CHID1: variants seen among roughly 807,000 people sequenced by gnomAD.
CHID1 encodes chitinase domain containing 1, also known as chitinase domain-containing protein 1.
A neutral mutation model predicts 55.4 loss-of-function variants in CHID1; 44 were observed. The observed-to-expected ratio is 0.79, with a 90% confidence interval of 0.62 to 1.02. The LOEUF (loss-of-function observed/expected upper bound fraction) is 1.02. Ranked by LOEUF, CHID1 falls within the 50% of genes least tolerant of loss-of-function variation. The pLI, the probability that CHID1 is intolerant of heterozygous loss-of-function variation, is 0.00. For missense variants in CHID1, 491 were observed against 515.3 expected (o/e 0.95, Z 0.46); for synonymous variants, 216 against 212.9 (o/e 1.01, Z -0.13).
At chr11:911,163 G>C (rs1226966778), upstream of CHID1, 1 of 151,978 alleles carries the variant, frequency 6.6e-6, no homozygotes, top group Non-Finnish European at 1.5e-5. Context: ...CCGGCTCGGC[G>C]GTGCCGGGAG....
At chr11:871,025 C>T (rs1326311705) in intron 10 of CHID1, among the ~76,000 whole-genome samples, 1 of 138,668 alleles carries the variant, frequency 7.2e-6, no homozygotes, top group African/African-American at 2.7e-5. Flanking sequence ...GAGTCTCACT[C>T]TGTCGCCCAG....
rs572717290 is a variant in CHID1, at chr11:883,796, C to T, written c.803+272G>A. Among the ~76,000 whole-genome samples the T allele has an allele frequency of 6.6e-5, 10 of 152,370 alleles. No individual in the cohort carries two copies. In the South Asian group the frequency reaches 1.0e-3, roughly 16 times the overall value. On this transcript the variant is annotated intron_variant, in intron 9 of 12. Coordinates refer to ENST00000323578, the MANE Select transcript of CHID1 (RefSeq NM_023947.4). ...GTGGCTCAGGCGAAAGAGGACAGGG[C>T]GGCATCGGGCAGCAGCAGGACTATG...
intron 8 of CHID1, among the ~76,000 whole-genome samples, chr11:888,628 G>A (rs1850572514): frequency 6.6e-6 from 1 of 152,360 alleles, no homozygotes; most frequent in Admixed American, 6.5e-5. Flanking sequence ...CATTTCTGAG[G>A]AACGAAAGCC....
chr11:906,032 G>A (rs900932982), intron 1 of CHID1, among the ~76,000 whole-genome samples: 8 of 152,216 alleles, frequency 5.3e-5, no homozygotes, highest in South Asian at 4.2e-4. Context: ...AAAATGTCCC[G>A]GCTGGGAACG....
chr11:914,733 A>C, upstream of CHID1: 1 of 355,956 alleles, frequency 2.8e-6, no homozygotes, highest in Non-Finnish European at 5.3e-6. Context: ...AAAAAAAAAA[A>C]AAATTACTCA....
chr11:880,899 G>C (rs1471688076), intron 10 of CHID1, among the ~76,000 whole-genome samples: 3 of 152,202 alleles, frequency 2.0e-5, no homozygotes, highest in African/African-American at 7.2e-5. Context: ...TTATAAAAAT[G>C]CTAAAACACC....
In CHID1 at chr11:896,979, C is replaced by T. The variant is rs1851378203; in HGVS notation, c.608+2361G>A. Among the ~76,000 whole-genome samples the T allele has an allele frequency of 8.4e-5, 11 of 130,186 alleles. No individual in the cohort carries two copies. In the South Asian group the frequency reaches 2.3e-3, roughly 27 times the overall value. 85.4% of individuals were successfully genotyped at this position (130,186 alleles called of 152,430 possible). ...GACACAACGAGCCTGTCTCAGCACC[C>T]CCAGCCTCCATCCCAGACACGAGCC... On this transcript the variant is annotated intron_variant, in intron 7 of 12. Transcript: ENST00000323578.
rs545664883 is a variant in CHID1 at position 884,346 on chromosome 11, G to C, written c.702-177C>G. Among the ~76,000 whole-genome samples the C allele has an allele frequency of 7.2e-5, 11 of 152,312 alleles. No individual in the cohort carries two copies. In the East Asian group the frequency reaches 2.1e-3, roughly 29 times the overall value. ...GTTGGGGCCACAGAGGCTGGGGGCT[G>C]GGAGACACAGGGGGATGTGGTCATC... is the stretch of plus-strand genomic sequence containing the variant. On this transcript the variant is annotated intron_variant, in intron 8 of 12. Coordinates refer to ENST00000323578, the MANE Select transcript of CHID1 (RefSeq NM_023947.4).
chr11:911,948 G>C (rs1366126503), upstream of CHID1, among the ~76,000 whole-genome samples: 1 of 152,220 alleles, frequency 6.6e-6, no homozygotes, highest in Non-Finnish European at 1.5e-5. Flanking sequence ...ATGCTAAGGA[G>C]GCCATGGCAA....
intron 7 of CHID1, among the ~76,000 whole-genome samples, chr11:897,307 G>A (rs1210558126): frequency 6.6e-6 from 1 of 152,142 alleles, no homozygotes; most frequent in Non-Finnish European, 1.5e-5. Flanking sequence ...CAGACAAGAG[G>A]CTATCTCCTG....
At chr11:901,449 C>T (rs1380262052) in intron 4 of CHID1, among the ~76,000 whole-genome samples, 1 of 152,214 alleles carries the variant, frequency 6.6e-6, no homozygotes, top group Non-Finnish European at 1.5e-5. Context: ...CTTCCCCTGC[C>T]ATTTCTCTCT....
chr11:870,155 C>T lies in CHID1; in HGVS notation c.1049G>A (p.Ser350Asn). Residue 350 changes from serine to asparagine, a missense_variant, in exon 12 of 13, where the codon AGT becomes AAT. Ser to Asn is a conservative substitution (Grantham distance 46). Coordinates refer to ENST00000323578, the MANE Select transcript of CHID1 (RefSeq NM_023947.4). ...TGGGTAGAAGACGACGTGCCTCCCA[C>T]TGCGGCTCCTGCAAGACAAAGGGAC... ...EHFFEYKKSR[S>N]GRHVVFYPTL... 6.2e-7 allele frequency: 1 copy of T among 1,613,118 alleles called. No homozygotes were observed. The highest frequency in any genetic ancestry group is 8.5e-7 in the Non-Finnish European group (1 of 1,179,968).
upstream of CHID1, chr11:914,412 C>T: frequency 1.4e-6 from 1 of 726,144 alleles, no homozygotes; most frequent in Non-Finnish European, 2.0e-6. Context: ...CTGCCGTGGG[C>T]ATGGGGGGGA....
At chr11:883,927 G>A (rs1306892705) in intron 9 of CHID1, 141 bp downstream of exon 9, 29 of 678,680 alleles carry the variant, frequency 4.3e-5, no homozygotes, top group Non-Finnish European at 2.3e-5. Flanking sequence ...CCTCAGGTGG[G>A]TGTCCAGACT....
intron 10 of CHID1, among the ~76,000 whole-genome samples, chr11:877,894 C>T (rs1849628715): frequency 6.6e-6 from 1 of 151,952 alleles, no homozygotes; most frequent in Non-Finnish European, 1.5e-5. Context: ...GTCATGAGGG[C>T]TCCGCCCTGG....
chr11:914,887 T>C (rs116075213), upstream of CHID1: 1,680 of 305,000 alleles, frequency 5.5e-3, 31 homozygotes, highest in African/African-American at 0.035. Flanking sequence ...GCAGGGCCCT[T>C]CCCAACAGTG....
rs538278022 is a variant in CHID1, at chr11:868,554, G to C, written c.*1304C>G. 38 of 152,318 alleles carry C rather than the reference G, an allele frequency of 2.5e-4. No individual in the cohort carries two copies. Among genetic ancestry groups the C allele is most frequent in the African/African-American group, 9.1e-4 (38 of 41,542 alleles). The allele number at this position is 152,318 out of a possible 1,614,324, so 9.4% of individuals were successfully genotyped here. ...GCCCGTGTCAAGCAGCAGCAGGGCGGTGGGAACGGCTGCACCTGCACTGTG... is the reference window on the plus strand; with the variant it reads ...GCCCGTGTCAAGCAGCAGCAGGGCGCTGGGAACGGCTGCACCTGCACTGTG... On this transcript the variant is annotated 3_prime_UTR_variant, in exon 13 of 13. Transcript: ENST00000323578.
intron 1 of CHID1, among the ~76,000 whole-genome samples, chr11:909,821 T>C (rs1351738885): frequency 6.6e-6 from 1 of 152,036 alleles, no homozygotes; most frequent in Non-Finnish European, 1.5e-5. Context: ...CTACAAAAAA[T>C]ATTTTTCTGC....
rs1267518623 is a variant in CHID1 at position 869,696 on chromosome 11, C to T, written c.*162G>A. On this transcript the variant is annotated 3_prime_UTR_variant, in exon 13 of 13. Transcript: ENST00000323578. ...GCTAGGACTCATCCAGGGCAGGGACCCCTCATGGGAGGATGGGGAGTCACA... is the reference window on the plus strand; with the variant it reads ...GCTAGGACTCATCCAGGGCAGGGACTCCTCATGGGAGGATGGGGAGTCACA... The T allele has an allele frequency of 3.1e-6, 2 of 655,154 alleles. No homozygotes were observed. Among genetic ancestry groups the T allele is most frequent in the Non-Finnish European group, 2.7e-6 (1 of 371,986 alleles). The allele number at this position is 655,154 out of a possible 1,614,324, so 40.6% of individuals were successfully genotyped here.
Sources: allele counts gnomAD v4.1 joint callset (sites outside exome capture counted in the v4.1 genomes callset), GRCh38; gene constraint gnomAD v4.1.1; transcripts MANE v1.5; gene names NCBI Gene and HGNC (gene_info 2026-07-23, HGNC 2026-07-21).